The following FTCDNL1 variants were observed in gnomAD, a reference collection of about 807,000 sequenced individuals.
FTCDNL1 encodes formiminotransferase cyclodeaminase N-terminal like, also known as formiminotransferase N-terminal subdomain-containing protein.
FTCDNL1 carries 11 observed loss-of-function variants against 5.9 expected under a neutral mutation model. That is an observed-to-expected ratio of 1.87 (90% CI 1.18 to 3.10). The LOEUF is 3.10. Ranked by LOEUF, FTCDNL1 falls within the 30% of genes most tolerant of loss-of-function variation. The pLI is 0.00. For missense variants in FTCDNL1, 115 were observed against 65.5 expected, an observed-to-expected ratio of 1.76 and a Z score of -2.61; for synonymous variants, 58 against 24.8, an observed-to-expected ratio of 2.34 and a Z score of -3.99.
the FTCDNL1 span, among the ~76,000 whole-genome samples, chr2:199,694,096 G>GA: frequency 3.9e-5 from 6 of 152,224 alleles, no homozygotes; most frequent in East Asian, 9.7e-4. Context: ...AGAAATGTGA[G>GA]AAAAAAGGTT....
At chr2:199,701,761 G>C in the FTCDNL1 span, among the ~76,000 whole-genome samples, 6 of 152,150 alleles carry the variant, frequency 3.9e-5, no homozygotes, top group African/African-American at 1.4e-4. Flanking sequence ...GGCTGAGCTA[G>C]GCTGAGCTCA....
At chr2:199,686,671 C>A in the FTCDNL1 span, among the ~76,000 whole-genome samples, 3 of 152,244 alleles carry the variant, frequency 2.0e-5, no homozygotes, top group Non-Finnish European at 2.9e-5. Flanking sequence ...AAAACTAACT[C>A]TAAGCTGAAA....
the FTCDNL1 span, among the ~76,000 whole-genome samples, chr2:199,739,032 A>G: frequency 6.6e-6 from 1 of 152,236 alleles, no homozygotes; most frequent in Admixed American, 6.5e-5. Flanking sequence ...GTATGGGGAA[A>G]TTACTAGAAA....
At chr2:199,725,474 A>G in the FTCDNL1 span, among the ~76,000 whole-genome samples, 2 of 152,008 alleles carry the variant, frequency 1.3e-5, no homozygotes, top group Non-Finnish European at 2.9e-5. Flanking sequence ...TAGTTTTTTC[A>G]TAGGGTTATT....
At chr2:199,762,031 A>T (rs1414481151) in intron 3 of FTCDNL1, among the ~76,000 whole-genome samples, 3 of 152,190 alleles carry the variant, frequency 2.0e-5, no homozygotes, top group Non-Finnish European at 4.4e-5. Context: ...AAAATACACT[A>T]ACACTAACGA....
chr2:199,737,216 A>G, the FTCDNL1 span, among the ~76,000 whole-genome samples: 1 of 152,230 alleles, frequency 6.6e-6, no homozygotes, highest in Non-Finnish European at 1.5e-5. Context: ...CTCTGCCTCC[A>G]GTCTATAATT....
chr2:199,668,010 G>A, the FTCDNL1 span, among the ~76,000 whole-genome samples: 1 of 152,164 alleles, frequency 6.6e-6, no homozygotes, highest in South Asian at 2.1e-4. Context: ...AATACTATTA[G>A]TAGAGATGCA....
chr2:199,771,908 A>G (rs1469233898), intron 3 of FTCDNL1, among the ~76,000 whole-genome samples: 1 of 152,216 alleles, frequency 6.6e-6, no homozygotes, highest in African/African-American at 2.4e-5. Context: ...CTCTGTATAC[A>G]CTATGTTTTA....
At chr2:199,843,434 C>T (rs936975863) in intron 3 of FTCDNL1, among the ~76,000 whole-genome samples, 2 of 152,124 alleles carry the variant, frequency 1.3e-5, no homozygotes, top group African/African-American at 4.8e-5. Context: ...TATTTCCCCA[C>T]CCCCCCATGC....
At chr2:199,735,420 G>A in the FTCDNL1 span, among the ~76,000 whole-genome samples, 14 of 152,246 alleles carry the variant, frequency 9.2e-5, no homozygotes, top group Middle Eastern at 3.4e-3. Context: ...ATATTTTACA[G>A]GGTAAACGGT....
chr2:199,731,875 G>A, the FTCDNL1 span, among the ~76,000 whole-genome samples: 2 of 149,836 alleles, frequency 1.3e-5, no homozygotes, highest in Admixed American at 1.3e-4. Context: ...GCGACAGAGC[G>A]AGACTCCGTC....
chr2:199,782,937 A>G (rs1002475313), intron 3 of FTCDNL1, among the ~76,000 whole-genome samples: 1 of 152,204 alleles, frequency 6.6e-6, no homozygotes, highest in African/African-American at 2.4e-5. Context: ...TGGGGTGGTC[A>G]TCCTTAACAT....
the FTCDNL1 span, among the ~76,000 whole-genome samples, chr2:199,728,049 C>G: frequency 6.6e-6 from 1 of 152,116 alleles, no homozygotes; most frequent in South Asian, 2.1e-4. Context: ...ACTTTTTATC[C>G]TGGGATCTTA....
chr2:199,722,681 G>A, the FTCDNL1 span, among the ~76,000 whole-genome samples: 6,403 of 152,208 alleles, frequency 0.042, 176 homozygotes, highest in Admixed American at 0.074. Context: ...TAGCTTGATG[G>A]GACTAGCATT....
chr2:199,798,847 C>T (rs564505642), intron 3 of FTCDNL1, among the ~76,000 whole-genome samples: 3 of 152,184 alleles, frequency 2.0e-5, no homozygotes, highest in Admixed American at 6.5e-5. Flanking sequence ...CTGTGGAAGT[C>T]GGGAAAACCA....
At chr2:199,841,405 A>C (rs1456666146) in intron 3 of FTCDNL1, among the ~76,000 whole-genome samples, 1 of 152,040 alleles carries the variant, frequency 6.6e-6, no homozygotes, top group African/African-American at 2.4e-5. Flanking sequence ...ATAAATAAAT[A>C]AATAAATACC....
chr2:199,803,919 A>G (rs1574560513), intron 3 of FTCDNL1, among the ~76,000 whole-genome samples: 1 of 152,218 alleles, frequency 6.6e-6, no homozygotes, highest in South Asian at 2.1e-4. Context: ...AAATCATGTA[A>G]TAACTAATAC....
the FTCDNL1 span, among the ~76,000 whole-genome samples, chr2:199,693,401 A>C: frequency 6.6e-6 from 1 of 152,252 alleles, no homozygotes; most frequent in Non-Finnish European, 1.5e-5. Context: ...GGCTTAGTAA[A>C]GCAATAGCGT....
At chr2:199,791,523 A>C (rs899204603) in intron 3 of FTCDNL1, among the ~76,000 whole-genome samples, 1 of 152,192 alleles carries the variant, frequency 6.6e-6, no homozygotes, top group African/African-American at 2.4e-5. Context: ...CACTTTAGTC[A>C]CTATGGTAAC....
Sources: allele counts gnomAD v4.1 joint callset (sites outside exome capture counted in the v4.1 genomes callset), GRCh38; gene constraint gnomAD v4.1.1; transcripts MANE v1.5; gene names NCBI Gene and HGNC (gene_info 2026-07-23, HGNC 2026-07-21).